AGBL3: variants seen among roughly 807,000 people sequenced by gnomAD.
The protein encoded by AGBL3 is AGBL carboxypeptidase 3.
AGBL3 carries 68 observed loss-of-function variants against 94.5 expected under a neutral mutation model. The ratio of observed to expected loss-of-function variants is 0.72; its 90% CI spans 0.59 to 0.88. The LOEUF (loss-of-function observed/expected upper bound fraction) is 0.88, where lower values mean the gene tolerates loss of function less well. AGBL3 is among the 40% of genes least tolerant of loss of function. The probability of loss-of-function intolerance (pLI) is 0.00; values close to 1 mark genes in which losing one functional copy is unlikely to be tolerated. For missense variants in AGBL3, 934 were observed against 1,103.8 expected (o/e 0.85, Z 2.18); for synonymous variants, 354 against 370.7 (o/e 0.95, Z 0.52).
intron 14 of AGBL3, among the ~76,000 whole-genome samples, chr7:135,081,287 A>G (rs1187444443): frequency 6.6e-6 from 1 of 152,154 alleles, no homozygotes; most frequent in East Asian, 1.9e-4. Flanking sequence ...GAATCACATA[A>G]TCATCGCATT....
chr7:135,080,277 AC>A lies in AGBL3; in HGVS notation c.2038+19del. The A allele has an allele frequency of 6.5e-7, 1 of 1,542,488 alleles. No homozygotes were observed. Among genetic ancestry groups the A allele is most frequent in the Non-Finnish European group, 8.8e-7 (1 of 1,139,622 alleles). On this transcript the variant is annotated intron_variant, in intron 14 of 16. Coordinates refer to ENST00000436302, the MANE Select transcript of AGBL3 (RefSeq NM_178563.4). ...ATGTGAAAGGTAATATTCTGCTTCT[AC>A]CTTCTCATAAACAATTAATTCATTT...
At chr7:135,067,122 T>C (rs1252334709) in intron 12 of AGBL3, among the ~76,000 whole-genome samples, 1 of 152,136 alleles carries the variant, frequency 6.6e-6, no homozygotes, top group Non-Finnish European at 1.5e-5. Flanking sequence ...CCTACACCCA[T>C]GGAGCCTCGC....
rs117732894 is a variant in AGBL3 at position 134,993,576 on chromosome 7, C to T, written c.208C>T (p.Arg70Cys). The change falls in exon 4 of 17, where the codon CGT (arginine) becomes TGT (cysteine). Residue 70 changes from arginine to cysteine, a missense_variant. This residue lies in a region of AGBL3 where 488 missense variants were observed against 563.6 expected (regional missense o/e 0.87). Transcript: ENST00000436302. Reference protein sequence around the residue: ...YQLGRWVPRLREPRDLYGVSS... With the variant: ...YQLGRWVPRLCEPRDLYGVSS... ...GCTAGGGAGATGGGTGCCACGTCTT[C>T]GTGAACCAAGGGATTTATATGGTGT... 13,271 of 1,551,844 alleles carry T rather than the reference C, an allele frequency of 8.6e-3. 78 individuals are homozygous for T. Among genetic ancestry groups the T allele is most frequent in the Non-Finnish European group, 0.011 (12,172 of 1,146,980 alleles).
intron 11 of AGBL3, chr7:135,050,888 G>C (rs1817814968): frequency 3.4e-6 from 1 of 297,442 alleles, no homozygotes; most frequent in South Asian, 3.0e-5. Context: ...CTTTGATTGA[G>C]TTTAGTCCAT....
At chr7:135,037,647 C>A in intron 8 of AGBL3, 67 bp downstream of exon 8, 4 of 1,316,074 alleles carry the variant, frequency 3.0e-6, no homozygotes, top group Non-Finnish European at 4.1e-6. Flanking sequence ...AGCAGAATGG[C>A]CCACGTGGAT....
At chr7:135,078,165 A>G (rs993064933) in intron 13 of AGBL3, among the ~76,000 whole-genome samples, 1 of 152,178 alleles carries the variant, frequency 6.6e-6, no homozygotes, top group African/African-American at 2.4e-5. Context: ...TATCCTTTTG[A>G]AGAAGTTTGA....
intron 5 of AGBL3, 32 bp from the exon 6 acceptor site, chr7:135,032,812 T>C: frequency 2.6e-6 from 4 of 1,530,118 alleles, no homozygotes; most frequent in Non-Finnish European, 3.5e-6. Context: ...TAGGTATACC[T>C]TGACATCTTT....
intron 12 of AGBL3, among the ~76,000 whole-genome samples, chr7:135,066,642 AT>A (rs546142497): frequency 9.1e-4 from 139 of 152,378 alleles, no homozygotes; most frequent in African/African-American, 3.1e-3. Flanking sequence ...GGAAATCCAG[AT>A]GCTAAAGAGA....
intron 15 of AGBL3, among the ~76,000 whole-genome samples, chr7:135,108,423 T>C (rs1311151276): frequency 2.6e-5 from 4 of 152,216 alleles, no homozygotes; most frequent in South Asian, 4.1e-4. Flanking sequence ...TCCCTCAGCA[T>C]TGGCTTATCT....
Position 135,045,894 on chromosome 7 carries a change from A to T in AGBL3, c.1824A>T (p.Thr608=). The part of the protein sequence containing the change: ...EDSDTPVIDI[T]LDVESSSRGS... Reference sequence around the variant, plus strand: ...CAGACACACCTGTGATAGACATTACATTGGATGTAGAGTCTAGGTAACTCA... The same window carrying T: ...CAGACACACCTGTGATAGACATTACTTTGGATGTAGAGTCTAGGTAACTCA... Residue 608 remains threonine (T), a synonymous_variant, in exon 11 of 17, where the codon ACA becomes ACT. Transcript: ENST00000436302. The T allele has an allele frequency of 2.6e-6, 4 of 1,547,802 alleles. No homozygotes were observed. Among genetic ancestry groups the T allele is most frequent in the Non-Finnish European group, 3.5e-6 (4 of 1,143,914 alleles).
intron 16 of AGBL3, among the ~76,000 whole-genome samples, chr7:135,117,879 T>C (rs1178408400): frequency 6.6e-6 from 1 of 152,212 alleles, no homozygotes; most frequent in Non-Finnish European, 1.5e-5. Flanking sequence ...CCCACTGGCA[T>C]GGTTGCCAAT....
At chr7:135,121,376 C>T (rs62479724) in intron 16 of AGBL3, among the ~76,000 whole-genome samples, 1 of 152,118 alleles carries the variant, frequency 6.6e-6, no homozygotes, top group Admixed American at 6.5e-5. Flanking sequence ...AGGAGCACTT[C>T]ATCCAACAAC....
chr7:135,055,587 C>T (rs1818274150), intron 11 of AGBL3, among the ~76,000 whole-genome samples: 1 of 152,096 alleles, frequency 6.6e-6, no homozygotes, highest in Admixed American at 6.6e-5. Flanking sequence ...AATGTTGAAA[C>T]AACCTGGCAT....
At chr7:135,058,360 T>C (rs1305782033) in intron 11 of AGBL3, among the ~76,000 whole-genome samples, 2 of 152,188 alleles carry the variant, frequency 1.3e-5, no homozygotes, top group East Asian at 3.9e-4. Context: ...TGCCTACCAC[T>C]GCATTAAATG....
At chr7:135,106,211 C>T (rs1824691498) in intron 15 of AGBL3, among the ~76,000 whole-genome samples, 2 of 152,164 alleles carry the variant, frequency 1.3e-5, no homozygotes, top group South Asian at 4.1e-4. Flanking sequence ...TATTTGGATG[C>T]TCTTTATTTC....
intron 15 of AGBL3, among the ~76,000 whole-genome samples, chr7:135,103,269 A>G (rs1824125101): frequency 6.6e-6 from 1 of 152,128 alleles, no homozygotes; most frequent in African/African-American, 2.4e-5. Context: ...ACTGCAGCAA[A>G]AAGAAATCAA....
intron 2 of AGBL3, chr7:134,988,245 A>G: frequency 3.1e-6 from 1 of 325,438 alleles, no homozygotes. Flanking sequence ...TCTAGGTTTT[A>G]TTAAAATTTG....
intron 16 of AGBL3, among the ~76,000 whole-genome samples, chr7:135,133,090 CACACACACAA>C (rs908936663): frequency 1.6e-5 from 2 of 124,666 alleles, no homozygotes; most frequent in South Asian, 6.0e-4. Flanking sequence ...CACACACACA[CACACACACAA>C]CCTTTAGAAT....
chr7:135,054,035 C>G (rs1818123370), intron 11 of AGBL3, among the ~76,000 whole-genome samples: 1 of 151,870 alleles, frequency 6.6e-6, no homozygotes, highest in Non-Finnish European at 1.5e-5. Context: ...ATTTGGTTAC[C>G]TTCTATGATG....
Sources: gnomAD v4.1 joint callset for allele counts (sites outside exome capture counted in the v4.1 genomes callset) on GRCh38, gnomAD v4.1.1 for gene constraint, gnomAD v4.1.1 regional missense constraint, MANE v1.5 for transcripts, NCBI Gene and HGNC (gene_info 2026-07-23, HGNC 2026-07-21) for gene names.